The following INPP5K variants were observed in gnomAD, a reference collection of about 807,000 sequenced individuals.
INPP5K encodes the protein inositol polyphosphate 5-phosphatase K.
A neutral mutation model predicts 53.5 loss-of-function variants in INPP5K; 35 were observed. The observed-to-expected ratio is 0.65, with a 90% confidence interval of 0.50 to 0.87. The LOEUF (loss-of-function observed/expected upper bound fraction) is 0.87. Among genes scored for constraint, INPP5K ranks in the 40% least tolerant of loss-of-function variants. The probability of loss-of-function intolerance (pLI) is 0.00; values close to 1 mark genes in which losing one functional copy is unlikely to be tolerated. For synonymous variants in INPP5K, 253 were observed against 232.8 expected (o/e 1.09, Z -0.79); for missense variants, 550 against 586.2 (o/e 0.94, Z 0.64).
At position 1,495,576 on chromosome 17, in the gene INPP5K, C is replaced by G; in HGVS notation, c.*247G>C. The G allele has an allele frequency of 1.9e-6, 1 of 516,512 alleles. No homozygotes were observed. The highest frequency in any genetic ancestry group is 3.4e-6 in the Non-Finnish European group (1 of 291,628). 32.0% of individuals were successfully genotyped at this position (516,512 alleles called of 1,614,324 possible). ...ACGCAGAACTGTCCCCAGGTCTTCA[C>G]TGTTGACACACTAGCTGGTTTCACT... is the stretch of plus-strand genomic sequence containing the variant. On this transcript the variant is annotated 3_prime_UTR_variant, in exon 12 of 12. Coordinates refer to ENST00000421807, the MANE Select transcript of INPP5K (RefSeq NM_016532.4).
chr17:1,516,375 G>C (rs1053429397), intron 1 of INPP5K, 81 bp downstream of exon 1: 46 of 1,416,834 alleles, frequency 3.2e-5, no homozygotes, highest in Non-Finnish European at 4.2e-5. Context: ...GAGGTCTGGT[G>C]CCTTGTCCAC....
chr17:1,506,601 T>G (rs2075160989), intron 7 of INPP5K, among the ~76,000 whole-genome samples: 1 of 152,182 alleles, frequency 6.6e-6, no homozygotes, highest in African/African-American at 2.4e-5. Flanking sequence ...GCGTCCTTAA[T>G]ACCAGTAACT....
At chr17:1,496,539 AGCTACAGAAGAACC>A in intron 9 of INPP5K, 113 bp downstream of exon 9, 1 of 1,398,114 alleles carries the variant, frequency 7.2e-7, no homozygotes, top group Non-Finnish European at 1.0e-6. Flanking sequence ...GCCAGCCTTT[AGCTACAGAAGAACC>A]GCTGGGGTGG....
chr17:1,501,717 T>A (rs1197536532), intron 7 of INPP5K, among the ~76,000 whole-genome samples: 3 of 152,186 alleles, frequency 2.0e-5, no homozygotes, highest in Non-Finnish European at 4.4e-5. Context: ...TGCCTAGCAA[T>A]GCTTACAACT....
rs192566821 is a variant in INPP5K at position 1,502,266 on chromosome 17, G to A, written c.777-4144C>T. On this transcript the variant is annotated intron_variant, in intron 7 of 11. Coordinates refer to ENST00000421807, the MANE Select transcript of INPP5K (RefSeq NM_016532.4). ...CAGGAGGCTGAGGCAAGAGAATGGC[G>A]TGAACCCGGGAGACAGAGCTTGTAG... 3.2e-3 allele frequency among the ~76,000 whole-genome samples: 485 copies of A among 152,194 alleles called. 7 individuals carry two copies. The highest frequency in any genetic ancestry group is 8.7e-4 in the Non-Finnish European group (59 of 67,988).
Position 1,496,477 on chromosome 17 carries a change from C to T in INPP5K, c.1102-75G>A, listed in dbSNP as rs2074843975. On this transcript the variant is annotated intron_variant, in intron 9 of 11. Coordinates refer to ENST00000421807, the MANE Select transcript of INPP5K (RefSeq NM_016532.4). ...AGGCAAGTCCTAAGGAAGAGATGGT[C>T]TCCCTGCTGGGCCTGGCTACCGTAC... is the stretch of plus-strand genomic sequence containing the variant. The T allele has an allele frequency of 9.4e-6, 13 of 1,383,690 alleles. No individual in the cohort carries two copies. In the South Asian group the frequency reaches 1.5e-4, roughly 16 times the overall value. The allele number at this position is 1,383,690 out of a possible 1,614,324, so 85.7% of individuals were successfully genotyped here.
chr17:1,509,718 T>C lies in INPP5K; in HGVS notation c.343A>G (p.Thr115Ala), dbSNP rs375320761. ...AACAGGCCAGTGGGGGTGGATTTAG[T>C]AGACAGAATCTGGATATAGGGCAAA... ...QHLPYIQILS[T>A]KSTPTGLFGY... Residue 115 changes from threonine to alanine, a missense_variant, in exon 4 of 12, where the codon ACT becomes GCT. Thr to Ala is a moderately conservative substitution (Grantham distance 58). Coordinates refer to ENST00000421807, the MANE Select transcript of INPP5K (RefSeq NM_016532.4). 6.2e-7 allele frequency: 1 copy of C among 1,613,118 alleles called. No individual in the cohort carries two copies. Among genetic ancestry groups the C allele is most frequent in the South Asian group, 1.1e-5 (1 of 91,028 alleles).
At position 1,495,241 on chromosome 17, in the gene INPP5K, A is replaced by G. The variant is rs2074797409; in HGVS notation, c.*582T>C. 6.6e-6 allele frequency: 1 copy of G among 152,404 alleles called. No individual in the cohort carries two copies. The highest frequency in any genetic ancestry group is 2.4e-5 in the African/African-American group (1 of 41,464). 9.4% of individuals were successfully genotyped at this position (152,404 alleles called of 1,614,324 possible). On this transcript the variant is annotated 3_prime_UTR_variant, in exon 12 of 12. Transcript: ENST00000421807. ...GACCCTCATCAACCTGCTCATAACC[A>G]TGGCGTAAGAGCCTGGCTAGAGGGG...
At chr17:1,509,500 T>C in intron 4 of INPP5K, 147 bp from the exon 5 acceptor site, 1 of 939,436 alleles carries the variant, frequency 1.1e-6, no homozygotes, top group Non-Finnish European at 1.7e-6. Flanking sequence ...GATCTCTCCA[T>C]GCACAGAGCC....
At chr17:1,515,917 T>C (rs778278695) in intron 1 of INPP5K, 49 of 987,016 alleles carry the variant, frequency 5.0e-5, no homozygotes, top group Non-Finnish European at 5.9e-5. Flanking sequence ...AAAGTCCGGA[T>C]TTCTTGTTCC....
chr17:1,513,607 T>C (rs1042729901), intron 2 of INPP5K, 46 bp from the exon 3 acceptor site: 2 of 1,490,026 alleles, frequency 1.3e-6, no homozygotes, highest in East Asian at 2.3e-5. Context: ...TCCAGGCTAC[T>C]TCCCCTGCCA....
rs2074858702 is a variant in INPP5K at position 1,496,751 on chromosome 17, C to T, written c.1016G>A (p.Trp339Ter). ...GACCATCATGTCATTTTCCACGGTC[C>T]ACAGGTCCTCGGGCATCAGGACGAT... ...PLIVLMPEDL[W>*]TVENDMMVSY... The change falls in exon 9 of 12, where the codon TGG (tryptophan) becomes TAG (stop). Residue 339 changes from tryptophan (W) to a stop codon, truncating the protein, a stop_gained. Coordinates refer to ENST00000421807, the MANE Select transcript of INPP5K (RefSeq NM_016532.4). LOFTEE classifies it high-confidence loss of function. 6.2e-7 allele frequency: 1 copy of T among 1,614,088 alleles called. No homozygotes were observed. Among genetic ancestry groups the T allele is most frequent in the African/African-American group, 1.3e-5 (1 of 74,924 alleles).
chr17:1,516,307 C>T, intron 1 of INPP5K, 149 bp downstream of exon 1: 1 of 996,412 alleles, frequency 1.0e-6, no homozygotes, highest in Non-Finnish European at 1.4e-6. Flanking sequence ...CCCAACACAG[C>T]CCACCTGACA....
chr17:1,501,912 GTAA>G (rs2075024719), intron 7 of INPP5K, among the ~76,000 whole-genome samples: 1 of 151,740 alleles, frequency 6.6e-6, no homozygotes, highest in Non-Finnish European at 1.5e-5. Flanking sequence ...GCATGTGCCT[GTAA>G]CCCCAGCTAC....
chr17:1,498,705 G>A (rs2074927651), intron 7 of INPP5K, among the ~76,000 whole-genome samples: 1 of 152,204 alleles, frequency 6.6e-6, no homozygotes, highest in African/African-American at 2.4e-5. Context: ...ACTGGGCTCA[G>A]GCGATCCCAC....
chr17:1,510,686 GTGCAATCACGGCTCGC>G (rs1046094600), intron 3 of INPP5K, among the ~76,000 whole-genome samples: 4 of 152,168 alleles, frequency 2.6e-5, no homozygotes, highest in African/African-American at 7.2e-5. Context: ...GAGTGCAGTG[GTGCAATCACGGCTCGC>G]TGCAGCCTTG....
At chr17:1,507,544 CTTT>C (rs879297211) in intron 6 of INPP5K, 4 of 149,562 alleles carry the variant, frequency 2.7e-5, no homozygotes, top group South Asian at 2.1e-4. Context: ...TATTCTTCTT[CTTT>C]TTTTTTTTTT....
chr17:1,514,245 C>G (rs1185946153), intron 1 of INPP5K, among the ~76,000 whole-genome samples: 1 of 151,036 alleles, frequency 6.6e-6, no homozygotes, highest in African/African-American at 2.4e-5. Flanking sequence ...ATTGCTTGAA[C>G]CCACGAGGCA....
intron 7 of INPP5K, among the ~76,000 whole-genome samples, chr17:1,499,890 T>A (rs1325181747): frequency 6.6e-6 from 1 of 152,244 alleles, no homozygotes; most frequent in East Asian, 1.9e-4. Flanking sequence ...TCTCACACAC[T>A]CTATCTCATC....
Sources: allele counts gnomAD v4.1 joint callset (sites outside exome capture counted in the v4.1 genomes callset), GRCh38; gene constraint gnomAD v4.1.1; transcripts MANE v1.5; gene names NCBI Gene and HGNC (gene_info 2026-07-23, HGNC 2026-07-21).